The following TRDMT1 variants were observed in gnomAD, a reference collection of about 807,000 sequenced individuals.
TRDMT1 encodes the protein tRNA aspartic acid methyltransferase 1.
A neutral mutation model predicts 51.2 loss-of-function variants in TRDMT1; 49 were observed. The observed-to-expected ratio is 0.96, with a 90% CI of 0.76 to 1.21. TRDMT1 has a LOEUF of 1.21. TRDMT1 is among the 50% of genes most tolerant of loss of function. The pLI is 0.00. For synonymous variants in TRDMT1, 187 were observed against 164.6 expected (o/e 1.14, Z -1.04); for missense variants, 534 against 462.3 (o/e 1.16, Z -1.42).
chr10:17,168,335 C>G (rs924455036), intron 3 of TRDMT1, among the ~76,000 whole-genome samples: 1 of 152,054 alleles, frequency 6.6e-6, no homozygotes, highest in Non-Finnish European at 1.5e-5. Context: ...TAAATAAATA[C>G]ATACATAAGT....
Position 17,145,397 on chromosome 10 carries a change from T to G in TRDMT1, c.*3643A>C, listed in dbSNP as rs1838021284. ...TGATATGATAGTTGTATATAGCACA[T>G]TTGAATGGTAGATGGAAGAGATTAA... On this transcript the variant is annotated 3_prime_UTR_variant, in exon 11 of 11. Transcript: ENST00000377799. 1 of 985,254 alleles carries G rather than the reference T, an allele frequency of 1.0e-6. No homozygotes were observed. Among genetic ancestry groups the G allele is most frequent in the African/African-American group, 1.7e-5 (1 of 57,210 alleles). The allele number at this position is 985,254 out of a possible 1,614,324, so 61.0% of individuals were successfully genotyped here.
chr10:17,138,143 C>A lies in TRDMT1; in HGVS notation c.*10897G>T, dbSNP rs1170117629. On this transcript the variant is annotated 3_prime_UTR_variant, in exon 11 of 11. Coordinates refer to ENST00000377799, the MANE Select transcript of TRDMT1 (RefSeq NM_004412.7). ...TGGCAAGATTCTCACACCCCTAATG[C>A]TAGCTCCCATTACATGTTATAGCTT... Among the ~76,000 whole-genome samples, 1 of 152,200 alleles carries A rather than the reference C, an allele frequency of 6.6e-6. No homozygotes were observed. Among genetic ancestry groups the A allele is most frequent in the East Asian group, 1.9e-4 (1 of 5,198 alleles).
chr10:17,145,486 C>T lies in TRDMT1; in HGVS notation c.*3554G>A. The T allele has an allele frequency of 1.0e-6, 1 of 985,394 alleles. No individual in the cohort carries two copies. The highest frequency in any genetic ancestry group is 4.7e-5 in the South Asian group (1 of 21,282). 61.0% of individuals were successfully genotyped at this position (985,394 alleles called of 1,614,324 possible). A position where few individuals can be genotyped will look rare whatever the true frequency, so the allele number is the denominator to read the frequency against. ...TATATAATCTCAATGCAATCACAGG[C>T]TACAAGAAAACTGCTGAGGCTATAT... On this transcript the variant is annotated 3_prime_UTR_variant, in exon 11 of 11. Coordinates refer to ENST00000377799, the MANE Select transcript of TRDMT1 (RefSeq NM_004412.7).
rs367859281 is a variant in TRDMT1, at chr10:17,143,376, G to A, written c.*5664C>T. The A allele has an allele frequency of 7.9e-5, 78 of 985,250 alleles. No individual in the cohort carries two copies. The highest frequency in any genetic ancestry group is 2.3e-4 in the African/African-American group (13 of 57,204). 61.0% of individuals were successfully genotyped at this position (985,250 alleles called of 1,614,324 possible). A position where few individuals can be genotyped will look rare whatever the true frequency, so the allele number is the denominator to read the frequency against. On this transcript the variant is annotated 3_prime_UTR_variant, in exon 11 of 11. Coordinates refer to ENST00000377799, the MANE Select transcript of TRDMT1 (RefSeq NM_004412.7). ...ATTTTCCATTTTTAAAACTCAGATC[G>A]TAACAGCTATTCAGCTTATTGTCTA...
chr10:17,168,008 T>C (rs1841442246), intron 3 of TRDMT1, among the ~76,000 whole-genome samples: 2 of 152,142 alleles, frequency 1.3e-5, no homozygotes, highest in South Asian at 4.1e-4. Flanking sequence ...TGCTTAATTA[T>C]AAATATGAAT....
In TRDMT1 at chr10:17,147,907, G is replaced by T; in HGVS notation, c.*1133C>A. The T allele has an allele frequency of 1.2e-6, 1 of 830,442 alleles. No homozygotes were observed. The highest frequency in any genetic ancestry group is 1.5e-6 in the Non-Finnish European group (1 of 688,762). 51.4% of individuals were successfully genotyped at this position (830,442 alleles called of 1,614,324 possible). On this transcript the variant is annotated 3_prime_UTR_variant, in exon 11 of 11. Coordinates refer to ENST00000377799, the MANE Select transcript of TRDMT1 (RefSeq NM_004412.7). ...ACCTCCATAGCGTTTTCCAACAGCA[G>T]CTGAACCATTTTACGTTCCCACAAG...
At position 17,144,370 on chromosome 10, in the gene TRDMT1, G is replaced by GA. The variant is rs1837927680; in HGVS notation, c.*4669dup. The GA allele has an allele frequency of 3.0e-6, 3 of 985,286 alleles. No homozygotes were observed. The highest frequency in any genetic ancestry group is 3.6e-6 in the Non-Finnish European group (3 of 829,886). 61.0% of individuals were successfully genotyped at this position (985,286 alleles called of 1,614,324 possible). ...CCATGCTAGGTACAAGCAAAGAAAT[G>GA]AAAAAACCCTAGGCTTATTCAGAAA... On this transcript the variant is annotated 3_prime_UTR_variant, in exon 11 of 11. Coordinates refer to ENST00000377799, the MANE Select transcript of TRDMT1 (RefSeq NM_004412.7).
intron 1 of TRDMT1, among the ~76,000 whole-genome samples, chr10:17,183,249 TA>T (rs1451756737): frequency 6.6e-6 from 1 of 151,910 alleles, no homozygotes; most frequent in Non-Finnish European, 1.5e-5. Flanking sequence ...ATCCAAGTTT[TA>T]TAAAGTGTAT....
intron 3 of TRDMT1, among the ~76,000 whole-genome samples, chr10:17,167,171 A>G (rs925744137): frequency 6.6e-6 from 1 of 152,208 alleles, no homozygotes; most frequent in Non-Finnish European, 1.5e-5. Flanking sequence ...CATCAAAAAT[A>G]ATGCCTGGCT....
intron 2 of TRDMT1, 74 bp from the exon 3 acceptor site, chr10:17,168,991 C>G: frequency 1.1e-6 from 1 of 944,324 alleles, no homozygotes; most frequent in Non-Finnish European, 1.6e-6. Context: ...AAAATACTAA[C>G]TATAATTAAA....
chr10:17,150,257 T>G, intron 10 of TRDMT1: 1 of 324,214 alleles, frequency 3.1e-6, no homozygotes, highest in Non-Finnish European at 4.4e-6. Context: ...AATGTGCTTA[T>G]TGGCCATTTA....
rs191284365 is a variant in TRDMT1, at chr10:17,147,199, A to C, written c.*1841T>G. 3 of 985,746 alleles carry C rather than the reference A, an allele frequency of 3.0e-6. No individual in the cohort carries two copies. The highest frequency in any genetic ancestry group is 3.6e-6 in the Non-Finnish European group (3 of 829,928). 61.1% of individuals were successfully genotyped at this position (985,746 alleles called of 1,614,324 possible). ...TATTTCAGCAGTGAACAGAACCTAC[A>C]TGAAAGTGTGCCAAAATAATTTGTG... On this transcript the variant is annotated 3_prime_UTR_variant, in exon 11 of 11. Transcript: ENST00000377799.
intron 2 of TRDMT1, among the ~76,000 whole-genome samples, chr10:17,174,055 G>A (rs534594997): frequency 1.4e-4 from 21 of 152,118 alleles, no homozygotes; most frequent in South Asian, 6.2e-4. Flanking sequence ...CAGCCACCGC[G>A]CCCAGCCAAT....
At chr10:17,174,807 G>A (rs1306942943) in intron 1 of TRDMT1, 147 bp from the exon 2 acceptor site, 1 of 636,090 alleles carries the variant, frequency 1.6e-6, no homozygotes, top group Non-Finnish European at 2.7e-6. Flanking sequence ...TCAGGCCAGG[G>A]GAAGCCAGGC....
rs1394801654 is a variant in TRDMT1 at position 17,137,967 on chromosome 10, T to C, written c.*11073A>G. 1.3e-5 allele frequency among the ~76,000 whole-genome samples: 2 copies of C among 152,172 alleles called. No individual in the cohort carries two copies. The highest frequency in any genetic ancestry group is 2.1e-4 in the South Asian group (1 of 4,830). Reference sequence around the variant, plus strand: ...AAGAATGTTGATTTAATCTTTTTAATAGGGGGATGTTCTTTTATCTTGAGT... The same window carrying C: ...AAGAATGTTGATTTAATCTTTTTAACAGGGGGATGTTCTTTTATCTTGAGT... On this transcript the variant is annotated 3_prime_UTR_variant, in exon 11 of 11. Coordinates refer to ENST00000377799, the MANE Select transcript of TRDMT1 (RefSeq NM_004412.7).
chr10:17,172,524 T>C (rs1400158044), intron 2 of TRDMT1, among the ~76,000 whole-genome samples: 1 of 152,092 alleles, frequency 6.6e-6, no homozygotes, highest in Non-Finnish European at 1.5e-5. Context: ...GTAAAAATTA[T>C]ATTTCACAGT....
intron 2 of TRDMT1, among the ~76,000 whole-genome samples, chr10:17,172,579 T>C (rs1191935109): frequency 1.3e-5 from 2 of 152,120 alleles, no homozygotes; most frequent in African/African-American, 4.8e-5. Flanking sequence ...ACCAAGGTAA[T>C]TTGTCCCTTT....
intron 1 of TRDMT1, among the ~76,000 whole-genome samples, chr10:17,181,882 C>G (rs1843323775): frequency 6.6e-6 from 1 of 152,200 alleles, no homozygotes; most frequent in Non-Finnish European, 1.5e-5. Context: ...TCTGGCCCCT[C>G]CTTTTCTGGC....
intron 1 of TRDMT1, among the ~76,000 whole-genome samples, chr10:17,185,478 T>C (rs1843759025): frequency 1.3e-5 from 2 of 152,196 alleles, no homozygotes; most frequent in Admixed American, 6.5e-5. Flanking sequence ...GGTGGGACTG[T>C]AAACTAGTTC....
Sources: allele counts gnomAD v4.1 joint callset (sites outside exome capture counted in the v4.1 genomes callset), GRCh38; gene constraint gnomAD v4.1.1; transcripts MANE v1.5; gene names NCBI Gene and HGNC (gene_info 2026-07-23, HGNC 2026-07-21).